HDAC9: variants seen among roughly 807,000 people sequenced by gnomAD.
HDAC9 encodes the protein MEF-2 interacting transcription repressor (MITR) protein.
HDAC9 carries 41 observed loss-of-function variants against 139.4 expected under a neutral mutation model. The ratio of observed to expected loss-of-function variants is 0.29; its 90% CI spans 0.23 to 0.38. The LOEUF (loss-of-function observed/expected upper bound fraction) is 0.38, where lower values mean the gene tolerates loss of function less well. Among genes scored for constraint, HDAC9 ranks in the 10% least tolerant of loss-of-function variants. The pLI is 1.00. For synonymous variants in HDAC9, 517 were observed against 476.2 expected (o/e 1.09, Z -1.12); for missense variants, 1,147 against 1,297.0 (o/e 0.88, Z 1.78).
chr7:18,159,056 C>T (rs907097592), intron 1 of HDAC9, among the ~76,000 whole-genome samples: 5 of 152,146 alleles, frequency 3.3e-5, no homozygotes, highest in African/African-American at 1.2e-4. Context: ...AATAACCATT[C>T]CTGGATCTTA....
intron 2 of HDAC9, among the ~76,000 whole-genome samples, chr7:18,226,172 G>T (rs1793042114): frequency 6.6e-6 from 1 of 152,158 alleles, no homozygotes. Context: ...TTGTGGAATT[G>T]TTCTTTAAAC....
intron 1 of HDAC9, among the ~76,000 whole-genome samples, chr7:18,368,446 T>G (rs7793256): frequency 0.25 from 38,095 of 151,710 alleles, 4,986 homozygotes; most frequent in East Asian, 0.35. Flanking sequence ...TCAAACATGC[T>G]GTTTCTGTTT....
intron 1 of HDAC9, among the ~76,000 whole-genome samples, chr7:18,360,083 C>G (rs79156130): frequency 0.037 from 5,698 of 152,294 alleles, 259 homozygotes; most frequent in East Asian, 0.24. Flanking sequence ...TCTTGCTCTT[C>G]TGCTCTTCTT....
chr7:18,635,461 A>G (rs759970041), intron 8 of HDAC9, among the ~76,000 whole-genome samples: 9 of 152,066 alleles, frequency 5.9e-5, no homozygotes, highest in Non-Finnish European at 1.2e-4. Context: ...CACATGATTT[A>G]GTGTAACCAA....
At chr7:18,868,596 C>G (rs915040977) in intron 21 of HDAC9, among the ~76,000 whole-genome samples, 6 of 152,142 alleles carry the variant, frequency 3.9e-5, no homozygotes, top group Non-Finnish European at 8.8e-5. Flanking sequence ...TTTTTTTCTA[C>G]AGTTCCTGGC....
At chr7:18,395,778 T>A (rs146958672) in intron 1 of HDAC9, among the ~76,000 whole-genome samples, 86 of 152,228 alleles carry the variant, frequency 5.6e-4, no homozygotes, top group Non-Finnish European at 1.0e-3. Flanking sequence ...TTACCTTATT[T>A]CAGAGAAAGC....
chr7:18,164,767 G>GT (rs1787887333), intron 2 of HDAC9, among the ~76,000 whole-genome samples: 1 of 152,160 alleles, frequency 6.6e-6, no homozygotes, highest in Non-Finnish European at 1.5e-5. Context: ...AAATTTACTA[G>GT]TTTTTATTTT....
At chr7:18,293,772 T>A (rs116914111) in intron 1 of HDAC9, among the ~76,000 whole-genome samples, 3,589 of 152,226 alleles carry the variant, frequency 0.024, 59 homozygotes, top group Middle Eastern at 0.037. Context: ...CTGGTGGGGT[T>A]GGTCACCCAC....
chr7:18,311,913 A>G (rs1477309150), intron 1 of HDAC9, among the ~76,000 whole-genome samples: 1 of 152,208 alleles, frequency 6.6e-6, no homozygotes, highest in Non-Finnish European at 1.5e-5. Context: ...GATGGAGATT[A>G]CTGTGGGGGG....
chr7:18,502,659 A>G (rs774474004), intron 2 of HDAC9: 9 of 152,116 alleles, frequency 5.9e-5, no homozygotes, highest in Non-Finnish European at 1.2e-4. Context: ...TTTTACTAGT[A>G]TTGAATATAA....
chr7:18,537,094 A>G (rs1293587275), intron 2 of HDAC9, among the ~76,000 whole-genome samples: 1 of 152,190 alleles, frequency 6.6e-6, no homozygotes, highest in Admixed American at 6.5e-5. Context: ...TTTAACTAAC[A>G]GGAATAATCG....
chr7:18,423,403 A>T (rs1284219483), intron 1 of HDAC9, among the ~76,000 whole-genome samples: 1 of 152,236 alleles, frequency 6.6e-6, no homozygotes. Context: ...GGTATTAGAA[A>T]TACCATCAAG....
chr7:18,885,155 G>C (rs73071792), intron 22 of HDAC9, among the ~76,000 whole-genome samples: 1 of 152,218 alleles, frequency 6.6e-6, no homozygotes, highest in East Asian at 1.9e-4. Flanking sequence ...CAATGTGGTC[G>C]TAAGGGTGAA....
chr7:18,277,576 C>A (rs1796823770), intron 2 of HDAC9, among the ~76,000 whole-genome samples: 1 of 152,108 alleles, frequency 6.6e-6, no homozygotes, highest in Admixed American at 6.6e-5. Flanking sequence ...ATATTGTCTG[C>A]CTGACTCAAG....
At chr7:18,314,809 A>T (rs1031071877) in intron 1 of HDAC9, among the ~76,000 whole-genome samples, 3 of 152,232 alleles carry the variant, frequency 2.0e-5, no homozygotes, top group Non-Finnish European at 4.4e-5. Context: ...ACATGATTGT[A>T]TTTCTAACTT....
intron 2 of HDAC9, among the ~76,000 whole-genome samples, chr7:18,557,240 T>G (rs1428248702): frequency 6.6e-6 from 1 of 152,022 alleles, no homozygotes; most frequent in African/African-American, 2.4e-5. Flanking sequence ...CCATGTGATA[T>G]TGACTTAAAA....
rs184022791 is a variant in HDAC9 at position 18,112,129 on chromosome 7, A to G, written c.-97+24916A>G. Among the ~76,000 whole-genome samples, 5 of 152,286 alleles carry G rather than the reference A, an allele frequency of 3.3e-5. No homozygotes were observed. The East Asian group carries it at 9.6e-4, about 29-fold the overall frequency. On this transcript the variant is annotated intron_variant, in intron 1 of 12. Coordinates refer to the HDAC9 transcript ENST00000417496. ...CATTTTTCTATTATCTATGCTCTTA[A>G]GGTTATTTATGTCTATTATTTTCCT...
At chr7:18,813,097 T>G (rs1794307683) in intron 17 of HDAC9, among the ~76,000 whole-genome samples, 1 of 152,054 alleles carries the variant, frequency 6.6e-6, no homozygotes, top group Admixed American at 6.6e-5. Flanking sequence ...TTTCAGATTT[T>G]TGTCTTATAC....
chr7:18,565,489 A>G (rs772803058), intron 2 of HDAC9, among the ~76,000 whole-genome samples: 4 of 152,172 alleles, frequency 2.6e-5, no homozygotes, highest in East Asian at 1.9e-4. Flanking sequence ...TGTGTTTACC[A>G]TTGTTAGTTG....
Sources: gnomAD v4.1 joint callset for allele counts (sites outside exome capture counted in the v4.1 genomes callset) on GRCh38, gnomAD v4.1.1 for gene constraint, MANE v1.5 for transcripts, NCBI Gene and HGNC (gene_info 2026-07-23, HGNC 2026-07-21) for gene names.